DPP6: variants seen among roughly 807,000 people sequenced by gnomAD.
The protein encoded by DPP6 is dipeptidyl peptidase like 6.
In DPP6, 69 loss-of-function variants were observed where a neutral mutation model predicts 122.6. The ratio of observed to expected loss-of-function variants is 0.56; its 90% CI spans 0.46 to 0.69. DPP6 has a LOEUF of 0.69. Ranked by LOEUF, DPP6 falls within the 30% of genes least tolerant of loss-of-function variation. The pLI, the probability that DPP6 is intolerant of heterozygous loss-of-function variation, is 0.00. For missense variants in DPP6, 928 were observed against 1,116.9 expected (o/e 0.83, Z 2.41); for synonymous variants, 418 against 433.1 (o/e 0.97, Z 0.43).
intron 8 of DPP6, among the ~76,000 whole-genome samples, chr7:154,764,868 G>T (rs1019115884): frequency 2.0e-5 from 3 of 152,140 alleles, no homozygotes; most frequent in Admixed American, 6.5e-5. Flanking sequence ...CAATTCCTCA[G>T]TTGTAAAGGG....
intron 1 of DPP6, among the ~76,000 whole-genome samples, chr7:154,343,688 C>T (rs536812450): frequency 6.6e-6 from 1 of 152,382 alleles, no homozygotes; most frequent in South Asian, 2.1e-4. Context: ...TCAGGCGATT[C>T]TCCGGCCTCA....
chr7:154,154,842 G>A (rs1178672354), intron 1 of DPP6, among the ~76,000 whole-genome samples: 1 of 152,258 alleles, frequency 6.6e-6, no homozygotes, highest in Non-Finnish European at 1.5e-5. Flanking sequence ...AAGGAGTGTC[G>A]AGCTCACGAA....
intron 6 of DPP6, among the ~76,000 whole-genome samples, chr7:154,648,297 G>T (rs868680250): frequency 6.6e-6 from 1 of 151,134 alleles, no homozygotes; most frequent in Non-Finnish European, 1.5e-5. Flanking sequence ...TGAGCCCCTC[G>T]CAAGTGCCAG....
chr7:154,732,434 A>G (rs1416921163), intron 8 of DPP6, among the ~76,000 whole-genome samples: 2 of 152,220 alleles, frequency 1.3e-5, no homozygotes, highest in Admixed American at 1.3e-4. Context: ...TATCCAAAAT[A>G]CATATAATTA....
chr7:153,856,207 G>C, the DPP6 span, among the ~76,000 whole-genome samples: 1 of 152,172 alleles, frequency 6.6e-6, no homozygotes, highest in Admixed American at 6.5e-5. Context: ...TGTGTTTGCA[G>C]ACAACTGGTT....
intron 1 of DPP6, among the ~76,000 whole-genome samples, chr7:154,363,855 GC>G (rs1475093310): frequency 1.3e-5 from 2 of 152,084 alleles, no homozygotes; most frequent in Admixed American, 1.3e-4. Context: ...TTAAACTGTA[GC>G]CATCTGTGTC....
chr7:154,476,711 GCTAAACC>G (rs1480647998), intron 3 of DPP6, among the ~76,000 whole-genome samples: 1 of 152,182 alleles, frequency 6.6e-6, no homozygotes, highest in Non-Finnish European at 1.5e-5. Flanking sequence ...TGTTAGTCTT[GCTAAACC>G]CTGGTTGGGG....
chr7:154,070,223 G>A (rs1803022371), intron 1 of DPP6, among the ~76,000 whole-genome samples: 2 of 148,000 alleles, frequency 1.4e-5, no homozygotes, highest in Non-Finnish European at 1.5e-5. Flanking sequence ...GGACTGTGTC[G>A]TTCACTGTGT....
At chr7:154,248,748 T>G (rs926766621) in intron 1 of DPP6, among the ~76,000 whole-genome samples, 3 of 151,908 alleles carry the variant, frequency 2.0e-5, no homozygotes, top group African/African-American at 7.3e-5. Flanking sequence ...CACCTGTAAT[T>G]CCAGCTACTC....
chr7:154,378,566 T>G (rs77011400), intron 1 of DPP6, among the ~76,000 whole-genome samples: 146 of 152,274 alleles, frequency 9.6e-4, no homozygotes, highest in African/African-American at 3.3e-3. Flanking sequence ...ATGGCTGCCT[T>G]CTTGTTGTAG....
chr7:153,875,749 C>A, the DPP6 span, among the ~76,000 whole-genome samples: 5 of 151,540 alleles, frequency 3.3e-5, no homozygotes, highest in Non-Finnish European at 2.9e-5. Flanking sequence ...ATAATTAACT[C>A]AAAAGAGGAA....
At position 154,481,971 on chromosome 7, in the gene DPP6, C is replaced by T. The variant is rs995519582; in HGVS notation, c.457+6934C>T. On this transcript the variant is annotated intron_variant, in intron 3 of 25. Transcript: ENST00000377770. The surrounding 1 kb of genome is among the most constrained non-coding windows in gnomAD (Gnocchi z 4.2). ...AAAGTCCCCAGTTTGTGGCCGTCCA[C>T]GAAGACTTCTTGGGCATTTTCTCAT... Among the ~76,000 whole-genome samples the T allele has an allele frequency of 7.2e-5, 11 of 152,186 alleles. No individual in the cohort carries two copies. The highest frequency in any genetic ancestry group is 2.6e-4 in the Admixed American group (4 of 15,278).
intron 1 of DPP6, among the ~76,000 whole-genome samples, chr7:154,117,609 C>G (rs1807084937): frequency 3.3e-5 from 5 of 152,218 alleles, no homozygotes; most frequent in Admixed American, 3.3e-4. Flanking sequence ...GACTGGGAAC[C>G]TGCCAGCTCG....
intron 1 of DPP6, among the ~76,000 whole-genome samples, chr7:154,001,006 G>C (rs1302330796): frequency 6.6e-6 from 1 of 152,178 alleles, no homozygotes; most frequent in Non-Finnish European, 1.5e-5. Flanking sequence ...TTCTCATGAA[G>C]GGTTTCCTTC....
chr7:154,880,450 C>A (rs1464640995), intron 20 of DPP6, among the ~76,000 whole-genome samples: 1 of 152,250 alleles, frequency 6.6e-6, no homozygotes, highest in Non-Finnish European at 1.5e-5. Context: ...ACTGGCTTGA[C>A]TCTGAGCCCA....
At chr7:153,808,228 C>T in the DPP6 span, among the ~76,000 whole-genome samples, 1 of 144,296 alleles carries the variant, frequency 6.9e-6, no homozygotes. Flanking sequence ...AGTGTGCGTG[C>T]CTGAGTGTGC....
At chr7:153,859,637 G>A in the DPP6 span, among the ~76,000 whole-genome samples, 382 of 152,270 alleles carry the variant, frequency 2.5e-3, 2 homozygotes, top group African/African-American at 8.7e-3. Flanking sequence ...CACTGGATAT[G>A]GCTGTGGCTA....
intron 1 of DPP6, among the ~76,000 whole-genome samples, chr7:154,023,820 G>T (rs3864488): frequency 0.013 from 1,906 of 152,140 alleles, 39 homozygotes; most frequent in African/African-American, 0.043. Flanking sequence ...GTATTACAAA[G>T]ACCTACACGC....
At chr7:154,443,142 C>G (rs1819527462) in intron 1 of DPP6, among the ~76,000 whole-genome samples, 1 of 152,158 alleles carries the variant, frequency 6.6e-6, no homozygotes, top group African/African-American at 2.4e-5. Flanking sequence ...TCTCACAGGC[C>G]AGGCACCTGC....
Sources: allele counts gnomAD v4.1 joint callset (sites outside exome capture counted in the v4.1 genomes callset), GRCh38; gene constraint gnomAD v4.1.1; non-coding constraint Gnocchi (gnomAD v3.1); transcripts MANE v1.5; gene names NCBI Gene and HGNC (gene_info 2026-07-23, HGNC 2026-07-21).